MYRF: variants seen among roughly 807,000 people sequenced by gnomAD.
MYRF encodes myelin gene regulatory factor.
In MYRF, 16 loss-of-function variants were observed where a neutral mutation model predicts 126.3. The observed-to-expected ratio is 0.13, with a 90% confidence interval of 0.09 to 0.19. The LOEUF is 0.19. Ranked by LOEUF, MYRF falls within the 10% of genes least tolerant of loss-of-function variation. The pLI, the probability that MYRF is intolerant of heterozygous loss-of-function variation, is 1.00. For synonymous variants in MYRF, 608 were observed against 635.3 expected, an observed-to-expected ratio of 0.96 and a Z score of 0.65; for missense variants, 1,104 against 1,547.0, an observed-to-expected ratio of 0.71 and a Z score of 4.80.
At chr11:61,768,247 A>T (rs562775512) in intron 3 of MYRF, among the ~76,000 whole-genome samples, 95 of 152,188 alleles carry the variant, frequency 6.2e-4, no homozygotes, top group African/African-American at 2.1e-3. Context: ...TGCCAGAGGA[A>T]CTTAAGAGGA....
At chr11:61,753,349 C>T (rs1251850647) in intron 1 of MYRF, among the ~76,000 whole-genome samples, 15 of 151,978 alleles carry the variant, frequency 9.9e-5, no homozygotes, top group Admixed American at 9.8e-4. Context: ...CCCCACTGTG[C>T]TTCCATGAGG....
Position 61,779,521 on chromosome 11 carries a change from G to A in MYRF, c.2198G>A (p.Arg733Gln), listed in dbSNP as rs141575295. The change falls in exon 16 of 27, where the codon CGG becomes CAG. Residue 733 changes from arginine to glutamine, a missense_variant. By Grantham distance (43) the Arg-to-Gln change is conservative (BLOSUM62 1). Transcript: ENST00000278836. ...AGCCATGCAGGGAGCCAGTTCAGTC[G>A]GGCGGGCAGCGTCCCCCACAAGAAG... Reference protein sequence around the residue: ...AFSHAGSQFSRAGSVPHKKRP... With the variant: ...AFSHAGSQFSQAGSVPHKKRP... The A allele has an allele frequency of 1.2e-5, 18 of 1,512,472 alleles. No individual in the cohort carries two copies. Among genetic ancestry groups the A allele is most frequent in the South Asian group, 1.3e-5 (1 of 74,928 alleles). 93.7% of individuals were successfully genotyped at this position (1,512,472 alleles called of 1,614,324 possible). A position where few individuals can be genotyped will look rare whatever the true frequency, so the allele number is the denominator to read the frequency against.
rs946940393 is a variant in MYRF at position 61,780,366 on chromosome 11, G to A, written c.2405+76G>A. 3 of 1,300,804 alleles carry A rather than the reference G, an allele frequency of 2.3e-6. No individual in the cohort carries two copies. The African/African-American group carries it at 4.4e-5, about 19-fold the overall frequency. 80.6% of individuals were successfully genotyped at this position (1,300,804 alleles called of 1,614,324 possible). ...GGGCAGTCCCAGGTCAGAGAGCCAT[G>A]AGACTGTCTTCTCTAAAGGAGTTCA... On this transcript the variant is annotated intron_variant, in intron 18 of 26. Coordinates refer to ENST00000278836, the MANE Select transcript of MYRF (RefSeq NM_001127392.3).
intron 22 of MYRF, chr11:61,782,945 T>C (rs2066591957): frequency 6.5e-6 from 1 of 152,790 alleles, no homozygotes; most frequent in Non-Finnish European, 1.5e-5. Context: ...CAAGACTGTA[T>C]GTGAACTAGA....
chr11:61,774,444 A>G (rs1246400457), intron 8 of MYRF, among the ~76,000 whole-genome samples: 3 of 150,626 alleles, frequency 2.0e-5, no homozygotes, highest in African/African-American at 2.5e-5. Context: ...AATCCTTTGA[A>G]CCCGGGAGGC....
At position 61,776,743 on chromosome 11, in the gene MYRF, CG is replaced by C; in HGVS notation, c.1500-39del. ...GCCAGGGAAAGGGTGGCCCTGGGGG[CG>C]GGGGCAGGCCATGAGTACTTCTGAG... On this transcript the variant is annotated intron_variant, in intron 10 of 26. Coordinates refer to ENST00000278836, the MANE Select transcript of MYRF (RefSeq NM_001127392.3). This position sits in a 1 kb window ranked among gnomAD's most constrained non-coding sequence, Gnocchi z 4.3. 1 of 1,464,910 alleles carries C rather than the reference CG, an allele frequency of 6.8e-7. No homozygotes were observed. The highest frequency in any genetic ancestry group is 2.1e-5 in the Admixed American group (1 of 47,944). 90.7% of individuals were successfully genotyped at this position (1,464,910 alleles called of 1,614,324 possible).
intron 1 of MYRF, chr11:61,755,530 C>T (rs2065727388): frequency 3.3e-6 from 5 of 1,496,530 alleles, no homozygotes; most frequent in South Asian, 2.3e-5. Context: ...CTGCCAGGAC[C>T]TCAGAGTTCT....
chr11:61,778,332 G>A lies in MYRF; in HGVS notation c.1904-48G>A. On this transcript the variant is annotated intron_variant, in intron 13 of 26. Coordinates refer to ENST00000278836, the MANE Select transcript of MYRF (RefSeq NM_001127392.3). This position sits in a 1 kb window ranked among gnomAD's most constrained non-coding sequence, Gnocchi z 4.6. ...ACTGTACATTACAAAGCTGTGAGTAGCCCTTTACCACCCCCCCACCCATCT... is the reference window on the plus strand; with the variant it reads ...ACTGTACATTACAAAGCTGTGAGTAACCCTTTACCACCCCCCCACCCATCT... The A allele has an allele frequency of 1.6e-6, 2 of 1,240,818 alleles. No homozygotes were observed. Among genetic ancestry groups the A allele is most frequent in the Non-Finnish European group, 1.2e-6 (1 of 840,666 alleles). The allele number at this position is 1,240,818 out of a possible 1,614,324, so 76.9% of individuals were successfully genotyped here.
chr11:61,778,427 G>A lies in MYRF; in HGVS notation c.1951G>A (p.Asp651Asn), dbSNP rs376049063. The A allele has an allele frequency of 1.3e-5, 21 of 1,614,006 alleles. No homozygotes were observed. Among genetic ancestry groups the A allele is most frequent in the Non-Finnish European group, 1.7e-5 (20 of 1,180,020 alleles). The stretch of plus-strand genomic sequence containing the variant: ...GGAGATCTTGCCTGAGGCTGTGAAA[G>A]ACACCGGAGACATGGTCTTTGCCAA... ...VKEILPEAVK[D>N]TGDMVFANGK... is the part of the protein sequence containing the mutation. Residue 651 changes from aspartate to asparagine, a missense_variant, in exon 14 of 27, where the codon GAC becomes AAC. By Grantham distance (23) the Asp-to-Asn change is conservative (BLOSUM62 1). Transcript: ENST00000278836. The surrounding 1 kb of genome is among the most constrained non-coding windows in gnomAD (Gnocchi z 4.6).
intron 8 of MYRF, among the ~76,000 whole-genome samples, chr11:61,775,778 G>T (rs1301666589): frequency 2.0e-5 from 3 of 151,820 alleles, no homozygotes; most frequent in Non-Finnish European, 4.4e-5. Context: ...TGTGGAATGG[G>T]GGTGTGGGTG....
Position 61,778,680 on chromosome 11 carries a change from G to C in MYRF, c.2013+191G>C. On this transcript the variant is annotated intron_variant, in intron 14 of 26. Coordinates refer to ENST00000278836, the MANE Select transcript of MYRF (RefSeq NM_001127392.3). This position sits in a 1 kb window ranked among gnomAD's most constrained non-coding sequence, Gnocchi z 4.6. Reference sequence around the variant, plus strand: ...GAGTGTTCAAGGAGATGAGTGGGTAGGGATTTGGCCCCTGGAGCCTGTGTG... The same window carrying C: ...GAGTGTTCAAGGAGATGAGTGGGTACGGATTTGGCCCCTGGAGCCTGTGTG... 1 of 662,990 alleles carries C rather than the reference G, an allele frequency of 1.5e-6. No homozygotes were observed. The highest frequency in any genetic ancestry group is 1.5e-5 in the South Asian group (1 of 64,834). 41.1% of individuals were successfully genotyped at this position (662,990 alleles called of 1,614,324 possible). A position where few individuals can be genotyped will look rare whatever the true frequency, so the allele number is the denominator to read the frequency against.
chr11:61,767,330 T>G (rs78752478), intron 3 of MYRF: 123 of 456,668 alleles, frequency 2.7e-4, no homozygotes, highest in Middle Eastern at 6.5e-4. Flanking sequence ...TGCCTATGAT[T>G]GCGTGAGCTC....
chr11:61,763,528 A>G (rs926257901), intron 1 of MYRF, among the ~76,000 whole-genome samples: 1 of 152,186 alleles, frequency 6.6e-6, no homozygotes, highest in Non-Finnish European at 1.5e-5. Context: ...TGAGTAACAC[A>G]CCGCAGGTGA....
intron 18 of MYRF, 63 bp from the exon 19 acceptor site, chr11:61,780,649 A>T: frequency 6.7e-7 from 1 of 1,482,508 alleles, no homozygotes; most frequent in South Asian, 1.2e-5. Context: ...GCCACCTCTG[A>T]CTGTGTCTTC....
At chr11:61,774,805 C>T (rs749009415) in intron 8 of MYRF, among the ~76,000 whole-genome samples, 5 of 152,042 alleles carry the variant, frequency 3.3e-5, no homozygotes, top group Non-Finnish European at 5.9e-5. Context: ...GCCTCCTTGC[C>T]TCCCTGCCTC....
chr11:61,766,347 C>T, intron 3 of MYRF, 126 bp downstream of exon 3: 6 of 1,073,192 alleles, frequency 5.6e-6, no homozygotes, highest in East Asian at 5.3e-5. Context: ...ACTGGCTGTG[C>T]GTGGGCAGGT....
chr11:61,767,094 G>A, intron 3 of MYRF: 1 of 456,658 alleles, frequency 2.2e-6, no homozygotes. Flanking sequence ...TGCCCTGGGT[G>A]CATGGTGGCC....
In MYRF at chr11:61,778,228, G is replaced by C; in HGVS notation, c.1904-152G>C. 1.6e-6 allele frequency: 1 copy of C among 637,808 alleles called. No homozygotes were observed. The allele number at this position is 637,808 out of a possible 1,614,324, so 39.5% of individuals were successfully genotyped here. ...ATTGCAATCCTGTGAACACTGGTTC[G>C]TGGGATCTCCCTGCTCCAGGGCTCC... On this transcript the variant is annotated intron_variant, in intron 13 of 26. Coordinates refer to ENST00000278836, the MANE Select transcript of MYRF (RefSeq NM_001127392.3). This position sits in a 1 kb window ranked among gnomAD's most constrained non-coding sequence, Gnocchi z 4.6.
rs2066738249 is a variant in MYRF at position 61,788,192 on chromosome 11, TTCTC to T, written c.*2054_*2057del. On this transcript the variant is annotated 3_prime_UTR_variant, in exon 27 of 27. Coordinates refer to ENST00000278836, the MANE Select transcript of MYRF (RefSeq NM_001127392.3). ...GGTCCAGCAGGTCATCCCTCCCTTC[TTCTC>T]TCTCCTTTGGCGTTTGTTCCTGTAG... 6.5e-6 allele frequency: 1 copy of T among 152,774 alleles called. No individual in the cohort carries two copies. Among genetic ancestry groups the T allele is most frequent in the Non-Finnish European group, 1.5e-5 (1 of 68,212 alleles). 9.5% of individuals were successfully genotyped at this position (152,774 alleles called of 1,614,324 possible). A position where few individuals can be genotyped will look rare whatever the true frequency, so the allele number is the denominator to read the frequency against.
Sources: allele counts gnomAD v4.1 joint callset (sites outside exome capture counted in the v4.1 genomes callset), GRCh38; gene constraint gnomAD v4.1.1; non-coding constraint Gnocchi (gnomAD v3.1); transcripts MANE v1.5; gene names NCBI Gene and HGNC (gene_info 2026-07-23, HGNC 2026-07-21).